Variants in NUGGC observed in about 807,000 individuals in gnomAD.
The protein encoded by NUGGC is nuclear GTPase, germinal center associated, also known as nuclear GTPase SLIP-GC.
A neutral mutation model predicts 92.6 loss-of-function variants in NUGGC; 58 were observed. The ratio of observed to expected loss-of-function variants is 0.63; its 90% CI spans 0.51 to 0.78. The LOEUF is 0.78. Among genes scored for constraint, NUGGC ranks in the 30% least tolerant of loss-of-function variants. The probability of loss-of-function intolerance (pLI) is 0.00; values close to 1 mark genes in which losing one functional copy is unlikely to be tolerated. For missense variants in NUGGC, 925 were observed against 964.6 expected (o/e 0.96, Z 0.54); for synonymous variants, 376 against 366.4 (o/e 1.03, Z -0.30).
Position 28,030,369 on chromosome 8 carries a change from C to T in NUGGC, c.1958G>A (p.Arg653Lys), listed in dbSNP as rs531085859. The change falls in exon 16 of 19, where the codon AGG (arginine) becomes AAG (lysine). Residue 653 changes from arginine to lysine, a missense_variant. Transcript: ENST00000413272. Reference sequence around the variant, plus strand: ...GGCAGTGAGGGACTCGTAGATCCTCCTCTTCCTTCTGAGGATGTGGTCCTC... The same window carrying T: ...GGCAGTGAGGGACTCGTAGATCCTCTTCTTCCTTCTGAGGATGTGGTCCTC... ...GLEDHILRRK[R>K]RIYESLTASV... The T allele has an allele frequency of 3.8e-6, 6 of 1,582,176 alleles. No homozygotes were observed. The highest frequency in any genetic ancestry group is 5.2e-6 in the Non-Finnish European group (6 of 1,162,982).
At chr8:28,036,194 AGTTTTCTG>A (rs1809549932) in intron 13 of NUGGC, among the ~76,000 whole-genome samples, 1 of 152,180 alleles carries the variant, frequency 6.6e-6, no homozygotes, top group East Asian at 1.9e-4. Flanking sequence ...TTATTACTTC[AGTTTTCTG>A]GTTGGAAAAT....
Position 28,069,552 on chromosome 8 carries a change from C to T in NUGGC, c.249G>A (p.Lys83=). The T allele has an allele frequency of 6.4e-7, 1 of 1,554,888 alleles. No individual in the cohort carries two copies. Among genetic ancestry groups the T allele is most frequent in the Non-Finnish European group, 8.9e-7 (1 of 1,127,046 alleles). The change falls in exon 4 of 19, where the codon AAG becomes AAA. Residue 83 remains lysine (K), a synonymous_variant. Coordinates refer to ENST00000413272, the MANE Select transcript of NUGGC (RefSeq NM_001010906.2). The part of the protein sequence containing the change: ...FLDDSIPNGV[K]YLINRLLALI... ...GCAGATTTCAGACTCACATGAGATACTTGACTCCATTAGGGATGCTGTCAT... is the reference window on the plus strand; with the variant it reads ...GCAGATTTCAGACTCACATGAGATATTTGACTCCATTAGGGATGCTGTCAT...
chr8:28,046,942 T>G (rs909640966), intron 11 of NUGGC, among the ~76,000 whole-genome samples: 1 of 151,946 alleles, frequency 6.6e-6, no homozygotes, highest in Non-Finnish European at 1.5e-5. Context: ...GTGCTGGGAT[T>G]ACAGGCATGA....
chr8:28,038,412 C>A (rs1319615886), intron 13 of NUGGC, among the ~76,000 whole-genome samples: 1 of 152,214 alleles, frequency 6.6e-6, no homozygotes, highest in East Asian at 1.9e-4. Context: ...GTCAACCCAG[C>A]ATTATCACTT....
chr8:28,027,306 G>A (rs1809291995), intron 17 of NUGGC, among the ~76,000 whole-genome samples: 1 of 152,202 alleles, frequency 6.6e-6, no homozygotes, highest in African/African-American at 2.4e-5. Flanking sequence ...CTCGTGGGGG[G>A]CTGCAGCTCT....
At chr8:28,061,272 A>G (rs922886968) in intron 7 of NUGGC, among the ~76,000 whole-genome samples, 1 of 152,252 alleles carries the variant, frequency 6.6e-6, no homozygotes, top group Non-Finnish European at 1.5e-5. Context: ...AAACCATATG[A>G]CAAGTTGCAA....
Position 28,029,323 on chromosome 8 carries a change from A to G in NUGGC, c.2097T>C (p.Ala699=), listed in dbSNP as rs1809352187. ...AIRRGVDRQV[A]EGMFERAQER... ...CCTGGGCCCTTTCAAACATGCCCTCAGCCACCTGCCGGTCCACTCCTCTTC... is the reference window on the plus strand; with the variant it reads ...CCTGGGCCCTTTCAAACATGCCCTCGGCCACCTGCCGGTCCACTCCTCTTC... Residue 699 remains alanine (A), a synonymous_variant, in exon 17 of 19, where the codon GCT becomes GCC. Transcript: ENST00000413272. 3 of 1,609,616 alleles carry G rather than the reference A, an allele frequency of 1.9e-6. No homozygotes were observed. Among genetic ancestry groups the G allele is most frequent in the Admixed American group, 3.4e-5 (2 of 59,520 alleles).
intron 10 of NUGGC, 37 bp downstream of exon 10, chr8:28,055,928 G>T: frequency 8.6e-7 from 1 of 1,164,386 alleles, no homozygotes; most frequent in Non-Finnish European, 1.2e-6. Context: ...TAGTTGCTGG[G>T]ATACAGAAAA....
intron 2 of NUGGC, among the ~76,000 whole-genome samples, chr8:28,070,874 C>G (rs552689808): frequency 6.6e-6 from 1 of 151,458 alleles, no homozygotes; most frequent in South Asian, 2.1e-4. Context: ...CACCTGTAGT[C>G]CTAGCTACTC....
intron 12 of NUGGC, among the ~76,000 whole-genome samples, chr8:28,043,039 A>G (rs1472077221): frequency 6.6e-6 from 1 of 152,222 alleles, no homozygotes; most frequent in Non-Finnish European, 1.5e-5. Flanking sequence ...TTTCACCATT[A>G]AGAATTCTAC....
In NUGGC at chr8:28,068,551, G is replaced by A. The variant is rs184141655; in HGVS notation, c.258-113C>T. On this transcript the variant is annotated intron_variant, in intron 4 of 18. Coordinates refer to ENST00000413272, the MANE Select transcript of NUGGC (RefSeq NM_001010906.2). ...AATCCCGGGCACGTCACTACAACCT[G>A]AGTCTCTGTTCTCTCCTCTGTCAAA... 174 of 699,450 alleles carry A rather than the reference G, an allele frequency of 2.5e-4. No homozygotes were observed. In the African/African-American group the frequency reaches 2.7e-3, roughly 11 times the overall value. 43.3% of individuals were successfully genotyped at this position (699,450 alleles called of 1,614,324 possible). A position where few individuals can be genotyped will look rare whatever the true frequency, so the allele number is the denominator to read the frequency against.
At chr8:28,041,960 T>TG (rs989891781) in intron 12 of NUGGC, among the ~76,000 whole-genome samples, 1 of 152,090 alleles carries the variant, frequency 6.6e-6, no homozygotes, top group Non-Finnish European at 1.5e-5. Flanking sequence ...CCACGTGTTG[T>TG]GGGGGGGACC....
chr8:28,047,185 T>G (rs11782419), intron 11 of NUGGC, among the ~76,000 whole-genome samples: 78,654 of 151,640 alleles, frequency 0.52, 20,644 homozygotes, highest in East Asian at 0.63. Context: ...TGTCAGGCTG[T>G]TCTCATACTC....
chr8:28,033,866 C>T (rs1381691184), intron 13 of NUGGC, among the ~76,000 whole-genome samples, 169 bp from the exon 14 acceptor site: 1 of 152,172 alleles, frequency 6.6e-6, no homozygotes, highest in Non-Finnish European at 1.5e-5. Flanking sequence ...AGTGGTCACG[C>T]CTCTAGGTCG....
intron 10 of NUGGC, among the ~76,000 whole-genome samples, chr8:28,053,923 T>C (rs552790171): frequency 6.6e-6 from 1 of 152,330 alleles, no homozygotes; most frequent in Admixed American, 6.5e-5. Context: ...CCTAATGATA[T>C]TGCGCTAGAA....
intron 13 of NUGGC, among the ~76,000 whole-genome samples, chr8:28,040,831 G>C (rs1809676274): frequency 6.6e-6 from 1 of 152,112 alleles, no homozygotes; most frequent in Admixed American, 6.6e-5. Context: ...ATTTTTAGTA[G>C]AGACGGGGTT....
At chr8:28,047,673 C>T in intron 10 of NUGGC, 61 bp from the exon 11 acceptor site, 9 of 1,011,890 alleles carry the variant, frequency 8.9e-6, no homozygotes, top group Non-Finnish European at 1.2e-5. Context: ...GGCAATCATG[C>T]ACAGGACCCA....
At chr8:28,068,100 G>A (rs1810488321) in intron 5 of NUGGC, 116 bp downstream of exon 5, 3 of 639,524 alleles carry the variant, frequency 4.7e-6, no homozygotes, top group South Asian at 4.0e-5. Flanking sequence ...AGGAAAGAAG[G>A]GAGAGAGGGA....
intron 8 of NUGGC, 148 bp downstream of exon 8, chr8:28,060,278 G>A: frequency 3.6e-6 from 3 of 824,478 alleles, no homozygotes; most frequent in Non-Finnish European, 6.1e-6. Context: ...GTCCCAGGAA[G>A]TCACCCAGCC....
Sources: allele counts gnomAD v4.1 joint callset (sites outside exome capture counted in the v4.1 genomes callset), GRCh38; gene constraint gnomAD v4.1.1; transcripts MANE v1.5; gene names NCBI Gene and HGNC (gene_info 2026-07-23, HGNC 2026-07-21).